Variants in CKAP5 observed in about 807,000 individuals in gnomAD.
CKAP5 encodes cytoskeleton associated protein 5.
Under a neutral mutation model 232.8 loss-of-function variants are expected in CKAP5, and 27 were observed. The observed-to-expected ratio is 0.12, with a 90% CI of 0.09 to 0.16. CKAP5 has a LOEUF of 0.16. Among genes scored for constraint, CKAP5 ranks in the 10% least tolerant of loss-of-function variants. CKAP5 has a pLI of 1.00. For missense variants in CKAP5, 1,838 were observed against 2,424.7 expected, an observed-to-expected ratio of 0.76 and a Z score of 5.08; for synonymous variants, 785 against 841.1, an observed-to-expected ratio of 0.93 and a Z score of 1.16.
chr11:46,763,601 C>T lies in CKAP5; in HGVS notation c.3567G>A (p.Arg1189=), dbSNP rs774322239. The T allele has an allele frequency of 1.8e-5, 29 of 1,573,472 alleles. No individual in the cohort carries two copies. The highest frequency in any genetic ancestry group is 1.7e-4 in the Middle Eastern group (1 of 5,918). The change falls in exon 29 of 44, where the codon CGG becomes CGA. Residue 1189 remains arginine, a synonymous_variant. Transcript: ENST00000529230. ...KVLKWNFTTP[R]DEYIEQLKTQ... The stretch of plus-strand genomic sequence containing the variant: ...TCTTTAGTTGCTCAATGTATTCATC[C>T]CGTGGGGTAGTAAAATTCCACTTTA...
chr11:46,762,089 G>A lies in CKAP5; in HGVS notation c.4132C>T (p.Arg1378Cys). The A allele has an allele frequency of 6.2e-7, 1 of 1,614,132 alleles. No homozygotes were observed. Among genetic ancestry groups the A allele is most frequent in the Non-Finnish European group, 8.5e-7 (1 of 1,179,996 alleles). Residue 1378 changes from arginine to cysteine, a missense_variant, in exon 32 of 44, where the codon CGT becomes TGT. Physicochemically the swap from Arg to Cys is radical, Grantham distance 180. Around this residue, in one of 6 missense-constraint regions of CKAP5, gnomAD observed 579 missense variants for 843.2 expected, o/e 0.69. Transcript: ENST00000529230. Reference sequence around the variant, plus strand: ...GCAGCATTGCGTACAGCATTGTCACGGTCTCCTATGTGAACAGCTATTTCC... The same window carrying A: ...GCAGCATTGCGTACAGCATTGTCACAGTCTCCTATGTGAACAGCTATTTCC... Reference protein sequence around the residue: ...LKEIAVHIGDRDNAVRNAALN... With the variant: ...LKEIAVHIGDCDNAVRNAALN...
intron 16 of CKAP5, 103 bp from the exon 17 acceptor site, chr11:46,784,776 T>C (rs769562215): frequency 1.3e-6 from 1 of 745,322 alleles, no homozygotes; most frequent in South Asian, 2.3e-5. Context: ...TAGGGACAGC[T>C]GGAAACACAA....
At chr11:46,781,389 G>C (rs1411146856) in intron 18 of CKAP5, among the ~76,000 whole-genome samples, 1 of 149,970 alleles carries the variant, frequency 6.7e-6, no homozygotes, top group Non-Finnish European at 1.5e-5. Context: ...TCTCCTCTCT[G>C]TCTTCTCTGA....
At position 46,808,263 on chromosome 11, in the gene CKAP5, C is replaced by T. The variant is rs111290229; in HGVS notation, c.865-119G>A. 729 of 678,430 alleles carry T rather than the reference C, an allele frequency of 1.1e-3. 4 individuals carry two copies. Among genetic ancestry groups the T allele is most frequent in the African/African-American group, 9.5e-3 (520 of 54,660 alleles). 42.0% of individuals were successfully genotyped at this position (678,430 alleles called of 1,614,324 possible). A position where few individuals can be genotyped will look rare whatever the true frequency, so the allele number is the denominator to read the frequency against. On this transcript the variant is annotated intron_variant, in intron 7 of 43. Transcript: ENST00000529230. ...TTTTTTAAAAAATTATAAAACTGGC[C>T]GGGCGCAGTGGCTCACGCCTGTAAT... is the stretch of plus-strand genomic sequence containing the variant.
chr11:46,831,590 G>A (rs1186279130), intron 1 of CKAP5, among the ~76,000 whole-genome samples: 1 of 152,046 alleles, frequency 6.6e-6, no homozygotes, highest in Non-Finnish European at 1.5e-5. Context: ...GTATGGTGGT[G>A]CAATAACTGC....
chr11:46,774,937 C>T (rs1046103636), intron 24 of CKAP5, among the ~76,000 whole-genome samples: 3 of 152,120 alleles, frequency 2.0e-5, no homozygotes, highest in East Asian at 1.9e-4. Flanking sequence ...ACAAAGACTT[C>T]GTGACTAAAA....
chr11:46,843,625 A>G (rs1033682295), intron 1 of CKAP5, among the ~76,000 whole-genome samples: 2 of 151,502 alleles, frequency 1.3e-5, no homozygotes, highest in Admixed American at 1.3e-4. Context: ...CAGCTACCGG[A>G]AGGCTGAGAT....
At chr11:46,761,248 C>CA (rs59147777) in intron 32 of CKAP5, among the ~76,000 whole-genome samples, 19,168 of 85,082 alleles carry the variant, frequency 0.23, 2,280 homozygotes, top group African/African-American at 0.41. Flanking sequence ...GACCCTGTCT[C>CA]AAAAAAAAAA....
At chr11:46,797,125 G>A (rs1351728898) in intron 11 of CKAP5, among the ~76,000 whole-genome samples, 185 bp from the exon 12 acceptor site, 1 of 152,154 alleles carries the variant, frequency 6.6e-6, no homozygotes, top group Non-Finnish European at 1.5e-5. Flanking sequence ...CAGGCACAGT[G>A]GTTCATGCCT....
At chr11:46,756,052 G>A (rs1391009848) in intron 35 of CKAP5, among the ~76,000 whole-genome samples, 1 of 152,198 alleles carries the variant, frequency 6.6e-6, no homozygotes, top group Non-Finnish European at 1.5e-5. Flanking sequence ...GGCTCAGAAA[G>A]ATCAGACTAC....
intron 23 of CKAP5, among the ~76,000 whole-genome samples, chr11:46,776,609 A>C (rs985228139): frequency 4.6e-5 from 7 of 152,238 alleles, no homozygotes; most frequent in Admixed American, 3.3e-4. Flanking sequence ...GTACTCAGTT[A>C]ATCAGGCAAA....
At chr11:46,791,719 T>C (rs912314340) in intron 13 of CKAP5, among the ~76,000 whole-genome samples, 1 of 152,010 alleles carries the variant, frequency 6.6e-6, no homozygotes, top group Admixed American at 6.6e-5. Flanking sequence ...AGTCCCAAGA[T>C]ACAAAAGCAG....
chr11:46,757,887 ATTTTTTT>A (rs947880979), intron 35 of CKAP5, among the ~76,000 whole-genome samples: 2 of 108,158 alleles, frequency 1.8e-5, no homozygotes, highest in Non-Finnish European at 3.9e-5. Context: ...CACCTGGCCT[ATTTTTTT>A]TTTTTTTTTT....
At chr11:46,824,307 G>C (rs1199300113) in intron 1 of CKAP5, among the ~76,000 whole-genome samples, 1 of 152,200 alleles carries the variant, frequency 6.6e-6, no homozygotes, top group Non-Finnish European at 1.5e-5. Flanking sequence ...AAAGGAGTCA[G>C]GAGAATCTGC....
chr11:46,765,903 T>TA (rs2065199046), intron 27 of CKAP5, among the ~76,000 whole-genome samples: 1 of 152,212 alleles, frequency 6.6e-6, no homozygotes, highest in African/African-American at 2.4e-5. Context: ...TCCAAACACT[T>TA]AGTTTGAAAG....
chr11:46,747,899 A>C (rs2065034046), intron 42 of CKAP5, among the ~76,000 whole-genome samples: 1 of 152,112 alleles, frequency 6.6e-6, no homozygotes, highest in Non-Finnish European at 1.5e-5. Flanking sequence ...GTCTCTACAA[A>C]AAATACAAAA....
intron 37 of CKAP5, 90 bp downstream of exon 37, chr11:46,753,220 C>G: frequency 3.0e-6 from 3 of 1,013,346 alleles, no homozygotes; most frequent in Non-Finnish European, 4.4e-6. Flanking sequence ...GTTAGGTTGC[C>G]TAGGAAGTTG....
intron 18 of CKAP5, 92 bp downstream of exon 18, chr11:46,783,182 A>T (rs1454121896): frequency 1.4e-6 from 1 of 700,622 alleles, no homozygotes; most frequent in East Asian, 2.7e-5. Flanking sequence ...CACTCTTCAG[A>T]AATAAACAGC....
chr11:46,833,965 G>A (rs948701372), intron 1 of CKAP5, among the ~76,000 whole-genome samples: 1 of 151,916 alleles, frequency 6.6e-6, no homozygotes, highest in Non-Finnish European at 1.5e-5. Context: ...TGCCTCCTGG[G>A]TTCAAGTGAT....
Sources: allele counts gnomAD v4.1 joint callset (sites outside exome capture counted in the v4.1 genomes callset), GRCh38; gene constraint gnomAD v4.1.1; regional missense constraint gnomAD v4.1.1; transcripts MANE v1.5; gene names NCBI Gene and HGNC (gene_info 2026-07-23, HGNC 2026-07-21).